The following ASB1 variants were observed in gnomAD, a reference collection of about 807,000 sequenced individuals.
ASB1 encodes the protein ankyrin repeat and SOCS box protein 1.
Under a neutral mutation model 27.7 loss-of-function variants are expected in ASB1, and 18 were observed. That is an observed-to-expected ratio of 0.65 (90% CI 0.45 to 0.96). The LOEUF (loss-of-function observed/expected upper bound fraction) is 0.96. Ranked by LOEUF, ASB1 falls within the 50% of genes least tolerant of loss-of-function variation. The pLI is 0.00. For synonymous variants in ASB1, 189 were observed against 187.6 expected (o/e 1.01, Z -0.06); for missense variants, 397 against 451.7 (o/e 0.88, Z 1.10).
At chr2:238,437,189 GT>G (rs980467369) in intron 3 of ASB1, among the ~76,000 whole-genome samples, 1 of 151,516 alleles carries the variant, frequency 6.6e-6, no homozygotes, top group South Asian at 2.1e-4. Flanking sequence ...CTTATATGTT[GT>G]TTTTTTCTTT....
chr2:238,440,354 G>T (rs579861), intron 3 of ASB1, among the ~76,000 whole-genome samples: 118,600 of 152,212 alleles, frequency 0.78, 46,463 homozygotes, highest in African/African-American at 0.82. Flanking sequence ...TTATATACAT[G>T]GACAGGAGTT....
chr2:238,435,371 A>G (rs1701947698), intron 2 of ASB1: 2 of 295,136 alleles, frequency 6.8e-6, no homozygotes, highest in Non-Finnish European at 6.4e-6. Flanking sequence ...TGCGCTGTTC[A>G]TTTGGCACTG....
chr2:238,444,402 C>A lies in ASB1; in HGVS notation c.555C>A (p.Ser185=), dbSNP rs535706718. 6.2e-7 allele frequency: 1 copy of A among 1,613,642 alleles called. No individual in the cohort carries two copies. The highest frequency in any genetic ancestry group is 1.1e-5 in the South Asian group (1 of 91,072). The change falls in exon 4 of 5, where the codon TCC becomes TCA. Residue 185 remains serine (S), a synonymous_variant. Coordinates refer to ENST00000264607, the MANE Select transcript of ASB1 (RefSeq NM_001040445.3). ...CTCCTGATGTCCAGCCTCGATTCTC[C>A]CGGCGGCTCACCTCCTTGGTGGTCT... ...HLTPDVQPRF[S]RRLTSLVVCP...
At position 238,435,797 on chromosome 2, in the gene ASB1, G is replaced by C; in HGVS notation, c.278G>C (p.Cys93Ser). 2 of 1,614,236 alleles carry C rather than the reference G, an allele frequency of 1.2e-6. No individual in the cohort carries two copies. Among genetic ancestry groups the C allele is most frequent in the Non-Finnish European group, 1.7e-6 (2 of 1,180,046 alleles). ...RIAATAGHGS[C>S]VDFLIRKGAE... Reference sequence around the variant, plus strand: ...GCGGCCACTGCAGGCCATGGGAGCTGTGTGGACTTCCTCATCCGGAAGGGG... The same window carrying C: ...GCGGCCACTGCAGGCCATGGGAGCTCTGTGGACTTCCTCATCCGGAAGGGG... The change falls in exon 3 of 5, where the codon TGT (cysteine) becomes TCT (serine). Residue 93 changes from cysteine (C) to serine (S), a missense_variant. Coordinates refer to ENST00000264607, the MANE Select transcript of ASB1 (RefSeq NM_001040445.3).
intron 3 of ASB1, among the ~76,000 whole-genome samples, chr2:238,437,635 CT>C (rs1197709276): frequency 6.6e-6 from 1 of 151,308 alleles, no homozygotes; most frequent in Non-Finnish European, 1.5e-5. Context: ...AGCAAAGATG[CT>C]TTTTTCCCTC....
At position 238,444,385 on chromosome 2, in the gene ASB1, G is replaced by C. The variant is rs148254481; in HGVS notation, c.538G>C (p.Val180Leu). Residue 180 changes from valine to leucine, a missense_variant, in exon 4 of 5, where the codon GTC (valine) becomes CTC (leucine). Coordinates refer to ENST00000264607, the MANE Select transcript of ASB1 (RefSeq NM_001040445.3). ...CGTCAACCACCACCTGACTCCTGAT[G>C]TCCAGCCTCGATTCTCCCGGCGGCT... ...VDVNHHLTPD[V>L]QPRFSRRLTS... is the part of the protein sequence containing the mutation. The C allele has an allele frequency of 7.4e-6, 12 of 1,613,080 alleles. No individual in the cohort carries two copies. The highest frequency in any genetic ancestry group is 8.5e-6 in the Non-Finnish European group (10 of 1,179,328).
intron 3 of ASB1, among the ~76,000 whole-genome samples, chr2:238,442,641 C>T (rs1702100277): frequency 6.6e-6 from 1 of 152,034 alleles, no homozygotes; most frequent in Non-Finnish European, 1.5e-5. Flanking sequence ...GCAAATTTTA[C>T]TTAGAGGTTT....
At chr2:238,444,763 G>T in intron 4 of ASB1, 36 bp downstream of exon 4, 1 of 1,540,924 alleles carries the variant, frequency 6.5e-7, no homozygotes, top group South Asian at 1.2e-5. Flanking sequence ...CTTGTGGGCT[G>T]GGTTGATTGA....
At chr2:238,438,296 T>G (rs1296340899) in intron 3 of ASB1, among the ~76,000 whole-genome samples, 1 of 139,342 alleles carries the variant, frequency 7.2e-6, no homozygotes, top group African/African-American at 2.7e-5. Flanking sequence ...GCCTCCAGGG[T>G]TCACACCATT....
intron 3 of ASB1, among the ~76,000 whole-genome samples, chr2:238,438,929 A>G (rs1702024508): frequency 6.6e-6 from 1 of 152,254 alleles, no homozygotes; most frequent in South Asian, 2.1e-4. Flanking sequence ...ATTAAAAGCA[A>G]TAGAGGAATT....
Position 238,427,083 on chromosome 2 carries a change from G to C in ASB1, c.13G>C (p.Gly5Arg), listed in dbSNP as rs935853093. ...GGCGGAAGCATCCATGGCGGAGGGC[G>C]GCAGCCCAGACGGGCGGGCAGGGCC... MAEG[G>R]SPDGRAGPGS... Residue 5 changes from glycine to arginine, a missense_variant, in exon 1 of 5, where the codon GGC becomes CGC. Gly to Arg is a moderately radical substitution (Grantham distance 125). Transcript: ENST00000264607. The C allele has an allele frequency of 5.5e-6, 7 of 1,263,382 alleles. No homozygotes were observed. Among genetic ancestry groups the C allele is most frequent in the Non-Finnish European group, 3.0e-6 (3 of 1,005,604 alleles). 78.3% of individuals were successfully genotyped at this position (1,263,382 alleles called of 1,614,324 possible).
intron 3 of ASB1, among the ~76,000 whole-genome samples, chr2:238,436,552 G>C (rs1701974858): frequency 6.6e-6 from 1 of 152,130 alleles, no homozygotes; most frequent in East Asian, 1.9e-4. Flanking sequence ...AGGCTTGAGT[G>C]CTGTGGCGTG....
rs1702195230 is a variant in ASB1, at chr2:238,447,083, C to T, written c.*572C>T. The T allele has an allele frequency of 6.4e-6, 1 of 155,866 alleles. No individual in the cohort carries two copies. Among genetic ancestry groups the T allele is most frequent in the Non-Finnish European group, 1.4e-5 (1 of 70,078 alleles). The allele number at this position is 155,866 out of a possible 1,614,324, so 9.7% of individuals were successfully genotyped here. A position where few individuals can be genotyped will look rare whatever the true frequency, so the allele number is the denominator to read the frequency against. The stretch of plus-strand genomic sequence containing the variant: ...GCGATGGAGGTCTCATAGTGAGTGT[C>T]TTCACTCAAGGGTGGTTTCCTGGCT... On this transcript the variant is annotated 3_prime_UTR_variant, in exon 5 of 5. Transcript: ENST00000264607.
chr2:238,427,023 C>A lies in ASB1; in HGVS notation c.-48C>A, dbSNP rs1212922758. On this transcript the variant is annotated 5_prime_UTR_variant, in exon 1 of 5. Coordinates refer to ENST00000264607, the MANE Select transcript of ASB1 (RefSeq NM_001040445.3). ...GGTCGCGGGTCGTTCTGCTTCCTGC[C>A]CGAGGGGCGTGCGCGGGTCAGGGGC... 2.4e-6 allele frequency: 3 copies of A among 1,234,854 alleles called. No individual in the cohort carries two copies. Among genetic ancestry groups the A allele is most frequent in the Non-Finnish European group, 3.0e-6 (3 of 987,922 alleles). The allele number at this position is 1,234,854 out of a possible 1,614,324, so 76.5% of individuals were successfully genotyped here. A position where few individuals can be genotyped will look rare whatever the true frequency, so the allele number is the denominator to read the frequency against.
In ASB1 at chr2:238,452,038, A is replaced by G. The variant is rs1702296091; in HGVS notation, c.*5527A>G. On this transcript the variant is annotated 3_prime_UTR_variant, in exon 5 of 5. Transcript: ENST00000264607. ...GTTTGAAGAGAGTTGTGCCCCTAAA[A>G]GTGTTTGAAACCTGTGGCTTTCAAG... 1 of 152,018 alleles carries G rather than the reference A, an allele frequency of 6.6e-6. No homozygotes were observed. Among genetic ancestry groups the G allele is most frequent in the African/African-American group, 2.4e-5 (1 of 41,374 alleles). The allele number at this position is 152,018 out of a possible 1,614,324, so 9.4% of individuals were successfully genotyped here. A position where few individuals can be genotyped will look rare whatever the true frequency, so the allele number is the denominator to read the frequency against.
At position 238,447,287 on chromosome 2, in the gene ASB1, T is replaced by C. The variant is rs1049514379; in HGVS notation, c.*776T>C. On this transcript the variant is annotated 3_prime_UTR_variant, in exon 5 of 5. Transcript: ENST00000264607. ...CAACAGCATTCACTGCCAGTTCTAA[T>C]AGGCGAGGAAAATGCCCGAGGCGCT... 2.0e-5 allele frequency: 3 copies of C among 152,650 alleles called. No homozygotes were observed. Among genetic ancestry groups the C allele is most frequent in the Non-Finnish European group, 4.4e-5 (3 of 68,088 alleles). 9.5% of individuals were successfully genotyped at this position (152,650 alleles called of 1,614,324 possible).
intron 3 of ASB1, among the ~76,000 whole-genome samples, chr2:238,441,217 C>G (rs1189728250): frequency 1.3e-5 from 2 of 151,772 alleles, no homozygotes; most frequent in Non-Finnish European, 2.9e-5. Flanking sequence ...TTACTGCAAC[C>G]TCTGCCCCCT....
rs114953706 is a variant in ASB1 at position 238,448,724 on chromosome 2, G to A, written c.*2213G>A. ...TGCCTCGTGGGAGTCCCATGCGTGA[G>A]TGTGGTGGTGTGACCTTCAGGCTGC... On this transcript the variant is annotated 3_prime_UTR_variant, in exon 5 of 5. Coordinates refer to ENST00000264607, the MANE Select transcript of ASB1 (RefSeq NM_001040445.3). 0.044 allele frequency: 6,746 copies of A among 152,598 alleles called. 224 individuals carry two copies. Among genetic ancestry groups the A allele is most frequent in the Middle Eastern group, 0.1 (31 of 296 alleles). The allele number at this position is 152,598 out of a possible 1,614,324, so 9.5% of individuals were successfully genotyped here.
At chr2:238,434,057 G>A (rs566660894) in intron 2 of ASB1, among the ~76,000 whole-genome samples, 8 of 152,274 alleles carry the variant, frequency 5.3e-5, no homozygotes, top group East Asian at 1.9e-4. Context: ...AATTGCAGGC[G>A]CTTCTGTACA....
Sources: gnomAD v4.1 joint callset for allele counts (sites outside exome capture counted in the v4.1 genomes callset) on GRCh38, gnomAD v4.1.1 for gene constraint, MANE v1.5 for transcripts, NCBI Gene and HGNC (gene_info 2026-07-23, HGNC 2026-07-21) for gene names.